Variants in TNNI3K observed in about 807,000 individuals in gnomAD.
TNNI3K encodes the protein TNNI3 interacting kinase, also known as serine/threonine-protein kinase TNNI3K.
TNNI3K carries 140 observed loss-of-function variants against 114.5 expected under a neutral mutation model. That is an observed-to-expected ratio of 1.22 (90% CI 1.07 to 1.41). TNNI3K has a LOEUF of 1.41. Ranked by LOEUF, TNNI3K falls within the 40% of genes most tolerant of loss-of-function variation. The probability of loss-of-function intolerance (pLI) is 0.00; values close to 1 mark genes in which losing one functional copy is unlikely to be tolerated. For synonymous variants in TNNI3K, 347 were observed against 347.5 expected (o/e 1.00, Z 0.02); for missense variants, 1,125 against 1,007.6 (o/e 1.12, Z -1.58).
chr1:74,307,619 A>T (rs1557487653), intron 5 of TNNI3K, among the ~76,000 whole-genome samples: 1 of 152,186 alleles, frequency 6.6e-6, no homozygotes, highest in Non-Finnish European at 1.5e-5. Flanking sequence ...CTAACATTGG[A>T]GGGAGCATGC....
intron 9 of TNNI3K, among the ~76,000 whole-genome samples, chr1:74,349,299 G>C (rs1661197304): frequency 6.6e-6 from 1 of 151,046 alleles, no homozygotes; most frequent in Admixed American, 6.6e-5. Flanking sequence ...GATTTTCATG[G>C]GTTGCATCCC....
intron 7 of TNNI3K, 102 bp from the exon 8 acceptor site, chr1:74,342,740 G>T: frequency 7.1e-7 from 1 of 1,417,242 alleles, no homozygotes; most frequent in Non-Finnish European, 9.5e-7. Flanking sequence ...CAATTTCCAG[G>T]AATCACTCAG....
intron 21 of TNNI3K, among the ~76,000 whole-genome samples, chr1:74,476,360 G>C (rs958846144): frequency 2.0e-5 from 3 of 152,056 alleles, no homozygotes; most frequent in African/African-American, 7.2e-5. Context: ...ATGTCCCTGA[G>C]TCATATCCTC....
chr1:74,538,094 CA>C (rs1343125514), intron 23 of TNNI3K, among the ~76,000 whole-genome samples: 2 of 152,000 alleles, frequency 1.3e-5, no homozygotes, highest in African/African-American at 4.8e-5. Context: ...TGCTTCCTGC[CA>C]GGGATAAATA....
rs1662470056 is a variant in TNNI3K at position 74,369,381 on chromosome 1, C to T, written c.1473-10C>T. 6 of 1,606,654 alleles carry T rather than the reference C, an allele frequency of 3.7e-6. No individual in the cohort carries two copies. Among genetic ancestry groups the T allele is most frequent in the Non-Finnish European group, 5.1e-6 (6 of 1,176,400 alleles). On this transcript the variant is annotated splice_polypyrimidine_tract_variant and intron_variant, in intron 15 of 24. Coordinates refer to ENST00000326637, the MANE Select transcript of TNNI3K (RefSeq NM_015978.3). ...GTTTACTGAAGATTTTCTGTTGCTG[C>T]CATTTCCAGTTATCGAGCCAATACC... is the stretch of plus-strand genomic sequence containing the variant.
At chr1:74,284,109 C>T (rs1657180123) in intron 5 of TNNI3K, among the ~76,000 whole-genome samples, 1 of 152,068 alleles carries the variant, frequency 6.6e-6, no homozygotes, top group Non-Finnish European at 1.5e-5. Flanking sequence ...ATTAGGAATA[C>T]ATTGTAATAA....
intron 5 of TNNI3K, among the ~76,000 whole-genome samples, chr1:74,276,444 A>G (rs968668951): frequency 5.3e-5 from 8 of 152,148 alleles, no homozygotes; most frequent in African/African-American, 1.9e-4. Flanking sequence ...GATTATTTTA[A>G]TATTGCAATT....
chr1:74,465,454 G>A (rs575022882), intron 21 of TNNI3K, among the ~76,000 whole-genome samples: 15 of 152,310 alleles, frequency 9.8e-5, no homozygotes, highest in Non-Finnish European at 1.9e-4. Context: ...TGGCCCGCCC[G>A]CACCGTGCTC....
chr1:74,292,379 G>C (rs984863267), intron 5 of TNNI3K, among the ~76,000 whole-genome samples: 6 of 150,846 alleles, frequency 4.0e-5, no homozygotes, highest in African/African-American at 1.5e-4. Flanking sequence ...TGTAAGTTCT[G>C]TTTTTGGCAC....
intron 5 of TNNI3K, among the ~76,000 whole-genome samples, chr1:74,284,233 T>C (rs1025680900): frequency 3.3e-5 from 5 of 152,212 alleles, no homozygotes; most frequent in East Asian, 1.9e-4. Flanking sequence ...CCTTTGAGTA[T>C]TGGATATTCT....
At chr1:74,541,449 G>C (rs1646725715) in intron 24 of TNNI3K, 2 of 152,164 alleles carry the variant, frequency 1.3e-5, no homozygotes, top group South Asian at 4.1e-4. Context: ...TCCAGTAACA[G>C]ATCCTTTTGA....
intron 2 of TNNI3K, among the ~76,000 whole-genome samples, chr1:74,238,661 A>G (rs1018604225): frequency 6.6e-6 from 1 of 152,110 alleles, no homozygotes; most frequent in East Asian, 1.9e-4. Context: ...AAGAATTTTG[A>G]GACTAGAGTA....
At chr1:74,449,682 A>G (rs1427629843) in intron 20 of TNNI3K, among the ~76,000 whole-genome samples, 1 of 151,600 alleles carries the variant, frequency 6.6e-6, no homozygotes, top group Non-Finnish European at 1.5e-5. Flanking sequence ...TGGTAAAGGG[A>G]TCAATTCAAC....
intron 23 of TNNI3K, chr1:74,512,532 G>A (rs1670281987): frequency 6.6e-6 from 1 of 152,152 alleles, no homozygotes; most frequent in Admixed American, 6.5e-5. Context: ...TTACCCAAAG[G>A]TCTCACAGCT....
intron 23 of TNNI3K, among the ~76,000 whole-genome samples, chr1:74,506,205 G>A (rs1669892379): frequency 6.6e-6 from 1 of 152,202 alleles, no homozygotes; most frequent in Admixed American, 6.5e-5. Flanking sequence ...GAACAGAAAT[G>A]TGTATTCAAA....
intron 17 of TNNI3K, chr1:74,378,637 T>A (rs1041232007): frequency 1.7e-5 from 2 of 117,454 alleles, no homozygotes; most frequent in Admixed American, 8.5e-5. Flanking sequence ...TATATATATA[T>A]ATATTTCATT....
Position 74,249,537 on chromosome 1 carries a change from T to A in TNNI3K, c.228T>A (p.Ile76=), listed in dbSNP as rs1654798162. Residue 76 remains isoleucine, a synonymous_variant, in exon 3 of 25, where the codon ATT becomes ATA. Coordinates refer to ENST00000326637, the MANE Select transcript of TNNI3K (RefSeq NM_015978.3). ...NGLSLLHLCC[I]CGGKKSHIRT... is the part of the protein sequence containing the mutation. ...TGTCTCTACTTCATTTATGTTGCAT[T>A]TGTGGAGGTGAGTACTTGAAACTTA... The A allele has an allele frequency of 6.2e-7, 1 of 1,613,444 alleles. No homozygotes were observed. The highest frequency in any genetic ancestry group is 8.5e-7 in the Non-Finnish European group (1 of 1,179,686).
intron 23 of TNNI3K, 77 bp from the exon 24 acceptor site, chr1:74,540,157 G>C: frequency 6.7e-7 from 1 of 1,501,118 alleles, no homozygotes. Context: ...TCTATGTTGA[G>C]TGGAAAAATT....
intron 20 of TNNI3K, among the ~76,000 whole-genome samples, chr1:74,457,781 G>A (rs992400339): frequency 2.0e-5 from 3 of 152,086 alleles, no homozygotes; most frequent in African/African-American, 7.2e-5. Context: ...TAACTTATCC[G>A]TAAGTGGGGT....
Sources: allele counts gnomAD v4.1 joint callset (sites outside exome capture counted in the v4.1 genomes callset), GRCh38; gene constraint gnomAD v4.1.1; transcripts MANE v1.5; gene names NCBI Gene and HGNC (gene_info 2026-07-23, HGNC 2026-07-21).